The following SKIC2 variants were observed in gnomAD, a reference collection of about 807,000 sequenced individuals.
The protein encoded by SKIC2 is SKI2 subunit of superkiller complex.
the SKIC2 span, chr6:31,963,038 C>T: frequency 6.2e-7 from 1 of 1,612,894 alleles, no homozygotes; most frequent in Non-Finnish European, 8.5e-7. This position sits in a 1 kb window ranked among gnomAD's most constrained non-coding sequence, Gnocchi z 5.3. Flanking sequence ...ACGTTTCTAT[C>T]ATCCTTCTGA....
At chr6:31,968,416 G>C in the SKIC2 span, 1 of 1,612,810 alleles carries the variant, frequency 6.2e-7, no homozygotes, top group Non-Finnish European at 8.5e-7. The surrounding 1 kb of genome is among the most constrained non-coding windows in gnomAD (Gnocchi z 6.1). Flanking sequence ...TCCCACCCTC[G>C]ACCCTGTCAA....
chr6:31,963,747 G>A, the SKIC2 span: 14 of 1,541,454 alleles, frequency 9.1e-6, no homozygotes, highest in South Asian at 8.8e-5. The surrounding 1 kb of genome is among the most constrained non-coding windows in gnomAD (Gnocchi z 5.3). Context: ...AGAACTGGGA[G>A]GGTTTTGTAC....
the SKIC2 span, chr6:31,960,922 C>T: frequency 1.1e-6 from 1 of 916,668 alleles, no homozygotes; most frequent in South Asian, 1.4e-5. Flanking sequence ...GGGAAAGTGT[C>T]ATAGCAAACA....
chr6:31,964,056 G>A, the SKIC2 span: 6 of 1,612,628 alleles, frequency 3.7e-6, no homozygotes, highest in Non-Finnish European at 5.1e-6. The surrounding 1 kb of genome is among the most constrained non-coding windows in gnomAD (Gnocchi z 5.0). Flanking sequence ...GTTCGGAGAA[G>A]AGCGAGATCC....
chr6:31,968,123 C>T, the SKIC2 span: 162 of 1,610,346 alleles, frequency 1.0e-4, no homozygotes, highest in Non-Finnish European at 1.3e-4. The surrounding 1 kb of genome is among the most constrained non-coding windows in gnomAD (Gnocchi z 6.1). Context: ...CAGAGGGGCA[C>T]GTAGAGGCAG....
chr6:31,961,430 C>T, the SKIC2 span: 1 of 1,525,314 alleles, frequency 6.6e-7, no homozygotes, highest in Non-Finnish European at 8.8e-7. Flanking sequence ...GCCTTGCCAC[C>T]AGGATGTGGG....
the SKIC2 span, chr6:31,963,658 CAAG>C: frequency 7.7e-6 from 12 of 1,553,410 alleles, no homozygotes; most frequent in East Asian, 2.2e-5. This position sits in a 1 kb window ranked among gnomAD's most constrained non-coding sequence, Gnocchi z 5.3. Context: ...CTGTGGAGGC[CAAG>C]AAGGAGAGAA....
At chr6:31,969,393 G>A in the SKIC2 span, 1 of 1,614,216 alleles carries the variant, frequency 6.2e-7, no homozygotes, top group Non-Finnish European at 8.5e-7. The surrounding 1 kb of genome is among the most constrained non-coding windows in gnomAD (Gnocchi z 6.1). Context: ...GGCTGGTTGA[G>A]GTTGTATATG....
At chr6:31,960,685 CA>C in the SKIC2 span, 1 of 1,588,126 alleles carries the variant, frequency 6.3e-7, no homozygotes, top group South Asian at 1.1e-5. Context: ...ATGAACCCAC[CA>C]TAACAGATCT....
At chr6:31,963,958 G>T in the SKIC2 span, 1 of 1,612,160 alleles carries the variant, frequency 6.2e-7, no homozygotes. The surrounding 1 kb of genome is among the most constrained non-coding windows in gnomAD (Gnocchi z 5.3). Context: ...CCGCACACGT[G>T]CCCAGTTGCC....
At chr6:31,961,883 C>A in the SKIC2 span, 1 of 1,611,570 alleles carries the variant, frequency 6.2e-7, no homozygotes. Flanking sequence ...CTTTCTTCAG[C>A]TCCTGTCTAT....
chr6:31,959,314 C>A, the SKIC2 span: 6 of 1,613,646 alleles, frequency 3.7e-6, no homozygotes, highest in Admixed American at 1.7e-5. Flanking sequence ...CCCTCCAGAT[C>A]CCCTGGACCT....
chr6:31,968,193 T>G, the SKIC2 span: 1 of 1,507,840 alleles, frequency 6.6e-7, no homozygotes, highest in Non-Finnish European at 9.1e-7. The surrounding 1 kb of genome is among the most constrained non-coding windows in gnomAD (Gnocchi z 6.1). Context: ...GTGGTGGGGT[T>G]GTAGTGAGGG....
chr6:31,963,056 C>T, the SKIC2 span: 307 of 1,612,676 alleles, frequency 1.9e-4, no homozygotes, highest in Non-Finnish European at 2.5e-4. The surrounding 1 kb of genome is among the most constrained non-coding windows in gnomAD (Gnocchi z 5.3). Flanking sequence ...TGAGTGCCAC[C>T]GTCCCCAACG....
chr6:31,960,746 G>A, the SKIC2 span: 3 of 1,549,308 alleles, frequency 1.9e-6, no homozygotes, highest in Non-Finnish European at 2.6e-6. Flanking sequence ...GAAAGGTAAG[G>A]TGGGGCTCTG....
At chr6:31,968,476 C>G in the SKIC2 span, 1 of 1,612,880 alleles carries the variant, frequency 6.2e-7, no homozygotes, top group Non-Finnish European at 8.5e-7. The surrounding 1 kb of genome is among the most constrained non-coding windows in gnomAD (Gnocchi z 6.1). Context: ...GCTCCGGGCC[C>G]GGAAGCTGGA....
chr6:31,962,341 A>T, the SKIC2 span: 1 of 1,340,660 alleles, frequency 7.5e-7, no homozygotes, highest in African/African-American at 1.4e-5. This position sits in a 1 kb window ranked among gnomAD's most constrained non-coding sequence, Gnocchi z 5.0. Context: ...GGAGCACCTG[A>T]GCTTCTGGGG....
the SKIC2 span, chr6:31,961,105 G>C: frequency 6.2e-7 from 1 of 1,613,032 alleles, no homozygotes; most frequent in Non-Finnish European, 8.5e-7. Flanking sequence ...GTTAGTTTTA[G>C]TTTTTGAGTG....
chr6:31,966,083 T>C, the SKIC2 span: 1 of 999,872 alleles, frequency 1.0e-6, no homozygotes, highest in South Asian at 1.7e-5. This position sits in a 1 kb window ranked among gnomAD's most constrained non-coding sequence, Gnocchi z 5.9. Context: ...TCGATTCTCC[T>C]CTCTTCTTTT....
Sources: allele counts gnomAD v4.1 joint callset, GRCh38; gene constraint gnomAD v4.1.1; non-coding constraint Gnocchi (gnomAD v3.1); transcripts MANE v1.5; gene names NCBI Gene and HGNC (gene_info 2026-07-23, HGNC 2026-07-21).